YBX3: variants seen among roughly 807,000 people sequenced by gnomAD.
The protein encoded by YBX3 is Y-box-binding protein 3.
YBX3 carries 29 observed loss-of-function variants against 42.4 expected under a neutral mutation model. The observed-to-expected ratio is 0.68, with a 90% CI of 0.51 to 0.93. The LOEUF (loss-of-function observed/expected upper bound fraction) is 0.93, where lower values mean the gene tolerates loss of function less well. YBX3 is among the 40% of genes least tolerant of loss of function. YBX3 has a pLI of 0.00. For synonymous variants in YBX3, 195 were observed against 189.8 expected, an observed-to-expected ratio of 1.03 and a Z score of -0.22; for missense variants, 517 against 527.5, an observed-to-expected ratio of 0.98 and a Z score of 0.19.
At chr12:10,716,524 T>A (rs985418682) in intron 3 of YBX3, among the ~76,000 whole-genome samples, 1 of 152,226 alleles carries the variant, frequency 6.6e-6, no homozygotes, top group African/African-American at 2.4e-5. Context: ...CACCTAAATA[T>A]CTGCTTATGA....
intron 3 of YBX3, among the ~76,000 whole-genome samples, chr12:10,716,691 A>G (rs750331792): frequency 2.6e-5 from 4 of 152,172 alleles, no homozygotes; most frequent in Non-Finnish European, 5.9e-5. Flanking sequence ...AGCATGTGTA[A>G]TCCAGCCCGT....
chr12:10,699,128 T>A lies in YBX3; in HGVS notation c.*561A>T, dbSNP rs1432416041. ...AAAATTTTATTTTTGAGGAATTTCTTACTGCACATTTTCAAAGAGAGTCAC... is the reference window on the plus strand; with the variant it reads ...AAAATTTTATTTTTGAGGAATTTCTAACTGCACATTTTCAAAGAGAGTCAC... On this transcript the variant is annotated 3_prime_UTR_variant, in exon 10 of 10. Coordinates refer to ENST00000228251, the MANE Select transcript of YBX3 (RefSeq NM_003651.5). 1.3e-5 allele frequency: 2 copies of A among 152,622 alleles called. No individual in the cohort carries two copies. The highest frequency in any genetic ancestry group is 3.8e-4 in the East Asian group (2 of 5,202). 9.5% of individuals were successfully genotyped at this position (152,622 alleles called of 1,614,324 possible). A position where few individuals can be genotyped will look rare whatever the true frequency, so the allele number is the denominator to read the frequency against.
In YBX3 at chr12:10,716,551, CTT is replaced by C. The variant is rs1374944459; in HGVS notation, c.361-770_361-769del. 2.6e-5 allele frequency among the ~76,000 whole-genome samples: 4 copies of C among 152,340 alleles called. No individual in the cohort carries two copies. In the East Asian group the frequency reaches 7.7e-4, roughly 29 times the overall value. ...TGCTTATGAATAGGTGCTGCTCTCT[CTT>C]GTTCCATCAATGAAGGCAGAAAATA... On this transcript the variant is annotated intron_variant, in intron 3 of 9. Transcript: ENST00000228251.
rs1948358291 is a variant in YBX3, at chr12:10,723,274, T to TCGAGCTTCGTGCTGCG, written c.-179_-164dup. The TCGAGCTTCGTGCTGCG allele has an allele frequency of 4.5e-6, 5 of 1,103,242 alleles. No individual in the cohort carries two copies. The highest frequency in any genetic ancestry group is 4.0e-5 in the East Asian group (1 of 24,734). The allele number at this position is 1,103,242 out of a possible 1,614,324, so 68.3% of individuals were successfully genotyped here. ...GGTGGGGTCGCGCGGCGGAGGCGGC[T>TCGAGCTTCGTGCTGCG]CGAGCTTCGTGCTGCGCGCTCTCTC... On this transcript the variant is annotated 5_prime_UTR_variant, in exon 1 of 10. Transcript: ENST00000228251.
At chr12:10,712,055 A>T (rs1400629915) in intron 5 of YBX3, 1 of 152,252 alleles carries the variant, frequency 6.6e-6, no homozygotes, top group African/African-American at 2.4e-5. Context: ...GTCCTAAGGA[A>T]TCTGACAGAA....
chr12:10,706,600 C>A (rs931789952), intron 6 of YBX3, among the ~76,000 whole-genome samples: 6 of 152,206 alleles, frequency 3.9e-5, no homozygotes, highest in Non-Finnish European at 7.3e-5. Flanking sequence ...GCTAGACAAT[C>A]CTCATCTTCC....
intron 4 of YBX3, among the ~76,000 whole-genome samples, chr12:10,715,112 A>T (rs1334408952): frequency 6.6e-6 from 1 of 152,196 alleles, no homozygotes; most frequent in African/African-American, 2.4e-5. Context: ...GCATTTCGAA[A>T]TACATACCTT....
intron 5 of YBX3, 198 bp downstream of exon 5, chr12:10,713,013 G>A (rs1948216882): frequency 2.9e-6 from 2 of 689,782 alleles, no homozygotes; most frequent in Non-Finnish European, 4.4e-6. Context: ...ATCACCACCG[G>A]TTTCCCAAAA....
intron 8 of YBX3, 124 bp from the exon 9 acceptor site, chr12:10,701,477 C>A: frequency 1.5e-6 from 1 of 672,562 alleles, no homozygotes. Flanking sequence ...AATTTAACTA[C>A]TCTTAAGTAT....
chr12:10,702,900 A>G (rs920789413), intron 7 of YBX3: 6 of 152,344 alleles, frequency 3.9e-5, no homozygotes, highest in African/African-American at 1.4e-4. Flanking sequence ...GATGAGATTT[A>G]TAACAAGAAA....
intron 7 of YBX3, chr12:10,702,752 T>C (rs1948096233): frequency 6.6e-6 from 1 of 151,882 alleles, no homozygotes; most frequent in African/African-American, 2.4e-5. Context: ...AAAAGAAGAG[T>C]AGTCTGGTAT....
intron 2 of YBX3, 63 bp from the exon 3 acceptor site, chr12:10,718,184 CTA>C (rs1948284719): frequency 6.7e-7 from 1 of 1,494,762 alleles, no homozygotes; most frequent in African/African-American, 1.4e-5. Context: ...TTAAAAGAAC[CTA>C]TGTGTTATGA....
At chr12:10,720,408 G>T (rs1422100044) in intron 1 of YBX3, among the ~76,000 whole-genome samples, 1 of 152,060 alleles carries the variant, frequency 6.6e-6, no homozygotes. Context: ...AAGTTATGCA[G>T]TCTACACTGA....
chr12:10,704,581 C>G (rs1948116868), intron 6 of YBX3: 1 of 153,326 alleles, frequency 6.5e-6, no homozygotes, highest in South Asian at 2.1e-4. Flanking sequence ...GTCTGCAATT[C>G]TTGACCATAC....
chr12:10,703,429 T>A (rs1948102441), intron 7 of YBX3: 1 of 196,506 alleles, frequency 5.1e-6, no homozygotes, highest in Non-Finnish European at 1.1e-5. Flanking sequence ...CAGCGTTCAC[T>A]AATATTAACC....
chr12:10,707,563 G>T (rs1948152106), intron 6 of YBX3, among the ~76,000 whole-genome samples: 1 of 152,176 alleles, frequency 6.6e-6, no homozygotes, highest in Non-Finnish European at 1.5e-5. Context: ...CTACTGAAAA[G>T]ATTATAGCAG....
At chr12:10,715,174 A>G (rs1948246199) in intron 4 of YBX3, among the ~76,000 whole-genome samples, 1 of 152,224 alleles carries the variant, frequency 6.6e-6, no homozygotes, top group Non-Finnish European at 1.5e-5. Context: ...TTTTCTTTCC[A>G]TAATCAGAGT....
At chr12:10,713,054 A>G in intron 5 of YBX3, 157 bp downstream of exon 5, 2 of 1,051,628 alleles carry the variant, frequency 1.9e-6, no homozygotes, top group Non-Finnish European at 2.6e-6. Context: ...CACATTTTAA[A>G]AAATAAGATA....
intron 7 of YBX3, chr12:10,703,475 C>T (rs1360556765): frequency 3.1e-6 from 1 of 317,938 alleles, no homozygotes; most frequent in East Asian, 9.9e-5. Context: ...CATAGTGAGG[C>T]CTTTACTTTA....
Sources: gnomAD v4.1 joint callset for allele counts (sites outside exome capture counted in the v4.1 genomes callset) on GRCh38, gnomAD v4.1.1 for gene constraint, MANE v1.5 for transcripts, NCBI Gene and HGNC (gene_info 2026-07-23, HGNC 2026-07-21) for gene names.